Variants in ROBO2 observed in about 807,000 individuals in gnomAD.
ROBO2 encodes the protein roundabout homolog 2.
ROBO2 carries 53 observed loss-of-function variants against 160.8 expected under a neutral mutation model. That is an observed-to-expected ratio of 0.33 (90% CI 0.26 to 0.41). The LOEUF (loss-of-function observed/expected upper bound fraction) is 0.41. Among genes scored for constraint, ROBO2 ranks in the 10% least tolerant of loss-of-function variants. The pLI is 1.00. For synonymous variants in ROBO2, 664 were observed against 611.7 expected (o/e 1.09, Z -1.26); for missense variants, 1,577 against 1,722.4 (o/e 0.92, Z 1.49).
rs2093609644 is a variant in ROBO2 at position 76,729,959 on chromosome 3, C to T, written c.110-368055C>T. Among the ~76,000 whole-genome samples, 10 of 152,220 alleles carry T rather than the reference C, an allele frequency of 6.6e-5. No homozygotes were observed. The South Asian group carries it at 2.1e-3, about 32-fold the overall frequency. On this transcript the variant is annotated intron_variant, in intron 2 of 26. Coordinates refer to the ROBO2 transcript ENST00000487694. ...GGCCTACACATGTATTTCTAAGACA[C>T]TTCCATCAGTATAGTCTTGAGAGGT...
At chr3:76,408,360 G>C (rs543571555) in intron 2 of ROBO2, among the ~76,000 whole-genome samples, 1 of 152,012 alleles carries the variant, frequency 6.6e-6, no homozygotes, top group South Asian at 2.1e-4. Flanking sequence ...CTTGCCAATT[G>C]CCTGATTTTG....
intron 2 of ROBO2, among the ~76,000 whole-genome samples, chr3:76,876,945 A>T (rs752725273): frequency 6.6e-5 from 10 of 152,182 alleles, no homozygotes; most frequent in Non-Finnish European, 1.5e-4. Context: ...ATGATGATGA[A>T]TTCCTAGAGG....
intron 2 of ROBO2, among the ~76,000 whole-genome samples, chr3:76,228,851 A>G (rs572829017): frequency 6.6e-6 from 1 of 152,282 alleles, no homozygotes; most frequent in South Asian, 2.1e-4. Context: ...ATTTCAAAAT[A>G]TCCTTAAAAA....
chr3:76,450,806 T>G (rs1165588747), intron 2 of ROBO2, among the ~76,000 whole-genome samples: 1 of 152,196 alleles, frequency 6.6e-6, no homozygotes, highest in African/African-American at 2.4e-5. Flanking sequence ...TTATTTTCAG[T>G]GCTTTAAAAA....
intron 2 of ROBO2, among the ~76,000 whole-genome samples, chr3:77,177,571 A>C (rs964055027): frequency 1.3e-5 from 2 of 151,788 alleles, no homozygotes; most frequent in African/African-American, 4.8e-5. Flanking sequence ...ATATTTTTTT[A>C]TTTGTATTAC....
At chr3:77,131,921 T>C (rs2075887223) in intron 2 of ROBO2, among the ~76,000 whole-genome samples, 1 of 152,098 alleles carries the variant, frequency 6.6e-6, no homozygotes, top group South Asian at 2.1e-4. Context: ...CGTTTGTGAG[T>C]AGCTGTGTTG....
Position 77,331,008 on chromosome 3 carries a change from G to A in ROBO2, c.389-146406G>A, listed in dbSNP as rs142730302. ...TATGATGTAGACTGTGTCACTCAGA[G>A]TGAAAAAGTTACCTTTGTCTTCTAC... On this transcript the variant is annotated intron_variant, in intron 2 of 25. Transcript: ENST00000461745. Among the ~76,000 whole-genome samples the A allele has an allele frequency of 5.5e-3, 839 of 152,296 alleles. 12 individuals carry two copies. Among genetic ancestry groups the A allele is most frequent in the African/African-American group, 0.019 (799 of 41,568 alleles).
chr3:77,011,321 G>A (rs1320922759), intron 2 of ROBO2, among the ~76,000 whole-genome samples: 7 of 152,006 alleles, frequency 4.6e-5, no homozygotes, highest in South Asian at 2.1e-4. Flanking sequence ...CAATAAATAC[G>A]TCAAATGAAT....
intron 2 of ROBO2, among the ~76,000 whole-genome samples, chr3:77,411,738 C>T (rs891630403): frequency 5.3e-5 from 8 of 151,994 alleles, no homozygotes; most frequent in Admixed American, 1.3e-4. Context: ...TCTGGAAGGA[C>T]GGACATAAAA....
chr3:77,296,578 A>T (rs1324992182), intron 2 of ROBO2, among the ~76,000 whole-genome samples: 2 of 152,200 alleles, frequency 1.3e-5, no homozygotes, highest in South Asian at 2.1e-4. Flanking sequence ...CTAGAGTCTA[A>T]TTTAATTGTT....
At chr3:76,339,309 C>G (rs1371493076) in intron 2 of ROBO2, among the ~76,000 whole-genome samples, 7 of 152,180 alleles carry the variant, frequency 4.6e-5, no homozygotes, top group Admixed American at 2.6e-4. Flanking sequence ...TGTTGTGTCT[C>G]AAATATTTGC....
In ROBO2 at chr3:77,390,884, T is replaced by C. The variant is rs542719782; in HGVS notation, c.389-86530T>C. 1.2e-3 allele frequency among the ~76,000 whole-genome samples: 185 copies of C among 152,178 alleles called. 1 individual carries two copies. The Middle Eastern group carries it at 0.017, about 14-fold the overall frequency. On this transcript the variant is annotated intron_variant, in intron 2 of 25. Coordinates refer to ENST00000461745, the Ensembl canonical transcript of ROBO2. ...CAACATCCCAACAATTCAGCACATC[T>C]CACCAGTCTCTTTCTCTCTTTCAGC... is the stretch of plus-strand genomic sequence containing the variant.
chr3:76,745,790 A>G (rs2093875964), intron 2 of ROBO2, among the ~76,000 whole-genome samples: 1 of 137,822 alleles, frequency 7.3e-6, no homozygotes, highest in East Asian at 2.1e-4. Context: ...ATTTTTTTAA[A>G]AAATTTATTT....
intron 5 of ROBO2, among the ~76,000 whole-genome samples, chr3:77,511,007 T>C (rs2089322080): frequency 6.6e-6 from 1 of 151,808 alleles, no homozygotes; most frequent in African/African-American, 2.4e-5. Flanking sequence ...AGGAAACAGG[T>C]AGTTTAGCAA....
In ROBO2 at chr3:77,363,914, A is replaced by G. The variant is rs1581362843; in HGVS notation, c.389-113500A>G. On this transcript the variant is annotated intron_variant, in intron 2 of 25. Transcript: ENST00000461745. ...GGAGCAGAAGACAGGGGGCTGGGAGAAGGGCAGACAGAGGCTTTGCTTTGA... is the reference window on the plus strand; with the variant it reads ...GGAGCAGAAGACAGGGGGCTGGGAGGAGGGCAGACAGAGGCTTTGCTTTGA... Among the ~76,000 whole-genome samples, 3 of 152,234 alleles carry G rather than the reference A, an allele frequency of 2.0e-5. No individual in the cohort carries two copies. In the East Asian group the frequency reaches 5.8e-4, roughly 29 times the overall value.
At chr3:76,140,904 C>T (rs896381055) in intron 2 of ROBO2, among the ~76,000 whole-genome samples, 14 of 146,500 alleles carry the variant, frequency 9.6e-5, no homozygotes, top group Admixed American at 6.2e-4. Context: ...TGCACTGAAA[C>T]GGAAACAATG....
intron 2 of ROBO2, among the ~76,000 whole-genome samples, chr3:76,346,778 C>T (rs2074557443): frequency 6.6e-6 from 1 of 152,170 alleles, no homozygotes; most frequent in Admixed American, 6.5e-5. Context: ...TATGAGCTTT[C>T]TCCCATCTCT....
intron 2 of ROBO2, among the ~76,000 whole-genome samples, chr3:77,104,544 T>C (rs898714513): frequency 6.6e-6 from 1 of 152,202 alleles, no homozygotes; most frequent in Non-Finnish European, 1.5e-5. Flanking sequence ...TTGATACACA[T>C]TTTTGTGTGC....
chr3:77,545,406 C>T (rs1281770104), intron 6 of ROBO2, among the ~76,000 whole-genome samples: 2 of 152,056 alleles, frequency 1.3e-5, no homozygotes, highest in Admixed American at 1.3e-4. Context: ...ATTTTCTACA[C>T]AGAGCCTTCT....
Sources: gnomAD v4.1 joint callset for allele counts (sites outside exome capture counted in the v4.1 genomes callset) on GRCh38, gnomAD v4.1.1 for gene constraint, MANE v1.5 for transcripts, NCBI Gene and HGNC (gene_info 2026-07-23, HGNC 2026-07-21) for gene names.